The following HYCC1 variants were observed in gnomAD, a reference collection of about 807,000 sequenced individuals.
HYCC1 encodes the protein hyccin PI4KA lipid kinase complex subunit 1.
the HYCC1 span, chr7:22,961,321 A>G: frequency 6.6e-7 from 1 of 1,523,110 alleles, no homozygotes; most frequent in Non-Finnish European, 9.1e-7. Context: ...TCTCCATTAT[A>G]ACTATAAAAT....
chr7:22,989,016 AAGG>A, the HYCC1 span, among the ~76,000 whole-genome samples: 3 of 152,126 alleles, frequency 2.0e-5, no homozygotes, highest in African/African-American at 7.2e-5. Context: ...ATGGAAAGGG[AAGG>A]AGATCAGTCA....
chr7:23,000,595 T>C, the HYCC1 span, among the ~76,000 whole-genome samples: 1 of 152,216 alleles, frequency 6.6e-6, no homozygotes, highest in Non-Finnish European at 1.5e-5. Flanking sequence ...ACACTATTAC[T>C]ATTATATTTA....
At chr7:22,952,325 AGC>A in the HYCC1 span, among the ~76,000 whole-genome samples, 4 of 152,164 alleles carry the variant, frequency 2.6e-5, no homozygotes, top group South Asian at 8.3e-4. Context: ...GAGATGTTTA[AGC>A]TGAGGTTTGA....
chr7:22,915,378 AG>A, the HYCC1 span, among the ~76,000 whole-genome samples: 3 of 152,354 alleles, frequency 2.0e-5, no homozygotes, highest in African/African-American at 7.2e-5. Context: ...CTCATCCCCC[AG>A]GATCTTGCTT....
chr7:22,929,855 G>T, the HYCC1 span, among the ~76,000 whole-genome samples: 1 of 152,136 alleles, frequency 6.6e-6, no homozygotes, highest in Admixed American at 6.6e-5. Context: ...TATACCCAAA[G>T]GATTATAAAT....
chr7:22,950,221 C>T, the HYCC1 span, among the ~76,000 whole-genome samples: 4 of 152,040 alleles, frequency 2.6e-5, no homozygotes, highest in African/African-American at 9.6e-5. Context: ...GTGAAGTCTC[C>T]CTTGGTCAAC....
At chr7:23,003,240 T>C in the HYCC1 span, among the ~76,000 whole-genome samples, 1 of 151,946 alleles carries the variant, frequency 6.6e-6, no homozygotes, top group Non-Finnish European at 1.5e-5. Flanking sequence ...TTAAATATCA[T>C]CCATTTATTC....
At chr7:22,917,248 G>C in the HYCC1 span, among the ~76,000 whole-genome samples, 3 of 152,166 alleles carry the variant, frequency 2.0e-5, no homozygotes, top group Non-Finnish European at 2.9e-5. Context: ...TCTTGAACAA[G>C]GAAAATATCT....
chr7:22,934,093 G>A, the HYCC1 span: 1 of 151,766 alleles, frequency 6.6e-6, no homozygotes, highest in Non-Finnish European at 1.5e-5. Flanking sequence ...TATGTACTAG[G>A]GGCTTTCCCT....
chr7:22,983,907 C>T, the HYCC1 span: 6 of 1,191,350 alleles, frequency 5.0e-6, no homozygotes, highest in South Asian at 7.3e-5. Context: ...TCAATCAAGT[C>T]AATACTGTTA....
the HYCC1 span, among the ~76,000 whole-genome samples, chr7:22,970,830 T>C: frequency 6.6e-6 from 1 of 152,222 alleles, no homozygotes; most frequent in Admixed American, 6.5e-5. Context: ...GCCACATGAA[T>C]GCCTGGCTCC....
At chr7:22,916,877 T>C in the HYCC1 span, among the ~76,000 whole-genome samples, 38,449 of 152,100 alleles carry the variant, frequency 0.25, 5,027 homozygotes, top group East Asian at 0.48. Flanking sequence ...GACTATGTGT[T>C]AATATTTATA....
chr7:22,985,633 C>T, the HYCC1 span: 1 of 152,072 alleles, frequency 6.6e-6, no homozygotes, highest in South Asian at 2.1e-4. Flanking sequence ...CAACTGCTTA[C>T]ATAAAGACGA....
At chr7:22,970,701 T>C in the HYCC1 span, among the ~76,000 whole-genome samples, 2 of 152,172 alleles carry the variant, frequency 1.3e-5, no homozygotes, top group South Asian at 4.1e-4. Context: ...CTCCTTTATT[T>C]TGGTACTTAA....
the HYCC1 span, among the ~76,000 whole-genome samples, chr7:22,951,579 C>A: frequency 2.0e-5 from 3 of 151,818 alleles, no homozygotes; most frequent in Admixed American, 6.6e-5. Context: ...CATACCAGAA[C>A]AAATATCCTT....
At chr7:23,000,917 G>A in the HYCC1 span, among the ~76,000 whole-genome samples, 3 of 95,490 alleles carry the variant, frequency 3.1e-5, no homozygotes, top group African/African-American at 1.1e-4. Flanking sequence ...CAAAGTTAAA[G>A]AAGTTTTTTT....
the HYCC1 span, among the ~76,000 whole-genome samples, chr7:22,998,040 T>G: frequency 6.6e-6 from 1 of 152,312 alleles, no homozygotes; most frequent in South Asian, 2.1e-4. Flanking sequence ...CTTCCTGTTC[T>G]TCTCAGATCC....
At chr7:23,010,711 C>T in the HYCC1 span, among the ~76,000 whole-genome samples, 1 of 152,048 alleles carries the variant, frequency 6.6e-6, no homozygotes, top group African/African-American at 2.4e-5. Flanking sequence ...GGGTTCAACA[C>T]CCCCCCACAC....
chr7:22,947,270 A>G, the HYCC1 span: 1 of 1,535,484 alleles, frequency 6.5e-7, no homozygotes, highest in Non-Finnish European at 8.8e-7. Context: ...ATGATAAGAC[A>G]AAATGATGGA....
Sources: gnomAD v4.1 joint callset for allele counts (sites outside exome capture counted in the v4.1 genomes callset) on GRCh38, gnomAD v4.1.1 for gene constraint, MANE v1.5 for transcripts, NCBI Gene and HGNC (gene_info 2026-07-23, HGNC 2026-07-21) for gene names.